Variants in CYB5R4 observed in about 807,000 individuals in gnomAD.
The protein encoded by CYB5R4 is N-terminal cytochrome b5 and cytochrome b5 oxidoreductase domain-containing protein.
CYB5R4 carries 55 observed loss-of-function variants against 70.2 expected under a neutral mutation model. That is an observed-to-expected ratio of 0.78 (90% CI 0.63 to 0.98). The LOEUF is 0.98. Among genes scored for constraint, CYB5R4 ranks in the 50% least tolerant of loss-of-function variants. The pLI is 0.00. For missense variants in CYB5R4, 562 were observed against 612.6 expected (o/e 0.92, Z 0.87); for synonymous variants, 197 against 199.5 (o/e 0.99, Z 0.11).
chr6:83,955,033 A>C (rs1050341045), intron 14 of CYB5R4, among the ~76,000 whole-genome samples: 1 of 151,888 alleles, frequency 6.6e-6, no homozygotes, highest in Admixed American at 6.6e-5. Flanking sequence ...GGTGTGAGCT[A>C]CCATGCTTGG....
At chr6:83,923,546 T>C (rs1257903414) in intron 9 of CYB5R4, among the ~76,000 whole-genome samples, 2 of 152,202 alleles carry the variant, frequency 1.3e-5, no homozygotes, top group African/African-American at 4.8e-5. Context: ...ATGCTTTAAA[T>C]CTTTAAAAGC....
At chr6:83,916,522 C>G (rs563745830) in intron 5 of CYB5R4, among the ~76,000 whole-genome samples, 1 of 152,102 alleles carries the variant, frequency 6.6e-6, no homozygotes, top group Admixed American at 6.6e-5. Context: ...TTGTAGTCCT[C>G]TCTTGTTTTA....
intron 2 of CYB5R4, among the ~76,000 whole-genome samples, chr6:83,891,035 T>A (rs557831606): frequency 1.3e-5 from 2 of 152,210 alleles, no homozygotes; most frequent in East Asian, 3.9e-4. Flanking sequence ...CTCAAACTTC[T>A]GTGTTCAAGC....
At chr6:83,944,866 CAAG>C (rs1470661934) in intron 14 of CYB5R4, among the ~76,000 whole-genome samples, 1 of 151,928 alleles carries the variant, frequency 6.6e-6, no homozygotes, top group African/African-American at 2.4e-5. Context: ...AAGGGATTAA[CAAG>C]AAGAGCTAAC....
chr6:83,955,417 T>A lies in CYB5R4; in HGVS notation c.1466T>A (p.Leu489His). The change falls in exon 15 of 16, where the codon CTC becomes CAC. Residue 489 changes from leucine (L) to histidine (H), a missense_variant. Transcript: ENST00000369681. ...LKRNLDKSKV[L>H]VCICGPVPFT... ...AGAAATTTGGACAAATCCAAAGTTC[T>A]CGTCTGCATTTGTGGACCAGTGCCA... 2 of 1,613,980 alleles carry A rather than the reference T, an allele frequency of 1.2e-6. No individual in the cohort carries two copies. Among genetic ancestry groups the A allele is most frequent in the Non-Finnish European group, 1.7e-6 (2 of 1,179,918 alleles).
At chr6:83,922,179 A>G (rs2099466489) in intron 8 of CYB5R4, among the ~76,000 whole-genome samples, 1 of 152,196 alleles carries the variant, frequency 6.6e-6, no homozygotes, top group Admixed American at 6.5e-5. Context: ...TGCTTGGACT[A>G]GCGTGGGTTA....
At chr6:83,926,822 A>G (rs1000515355) in intron 10 of CYB5R4, among the ~76,000 whole-genome samples, 1 of 152,216 alleles carries the variant, frequency 6.6e-6, no homozygotes, top group South Asian at 2.1e-4. Context: ...GGGAAGACCT[A>G]TCCAAGCTTC....
chr6:83,950,117 C>A (rs544788736), intron 14 of CYB5R4, among the ~76,000 whole-genome samples: 5 of 152,064 alleles, frequency 3.3e-5, no homozygotes, highest in Non-Finnish European at 7.4e-5. Flanking sequence ...ATAGATACTT[C>A]ATGAATAATT....
intron 14 of CYB5R4, among the ~76,000 whole-genome samples, chr6:83,945,999 G>A (rs2099470551): frequency 6.6e-6 from 1 of 152,172 alleles, no homozygotes; most frequent in Admixed American, 6.5e-5. Flanking sequence ...GAGATACAAA[G>A]AGGAGCTGGT....
At chr6:83,944,090 A>G (rs1164776418) in intron 14 of CYB5R4, among the ~76,000 whole-genome samples, 1 of 152,184 alleles carries the variant, frequency 6.6e-6, no homozygotes, top group African/African-American at 2.4e-5. Context: ...AGAGAACACC[A>G]CAAAGATACT....
At chr6:83,882,260 A>C (rs2099459569) in intron 2 of CYB5R4, among the ~76,000 whole-genome samples, 1 of 152,196 alleles carries the variant, frequency 6.6e-6, no homozygotes, top group Admixed American at 6.5e-5. Context: ...TCAAAGTCTT[A>C]CTGGCTTGAA....
At chr6:83,945,648 A>G (rs1214167106) in intron 14 of CYB5R4, among the ~76,000 whole-genome samples, 1 of 152,158 alleles carries the variant, frequency 6.6e-6, no homozygotes, top group Non-Finnish European at 1.5e-5. Context: ...TATTTTGAAA[A>G]GAATAACAGA....
rs575132689 is a variant in CYB5R4, at chr6:83,926,022, C to A, written c.814+1430C>A. 1.4e-4 allele frequency among the ~76,000 whole-genome samples: 22 copies of A among 152,306 alleles called. 2 individuals are homozygous for A. In the South Asian group the frequency reaches 4.1e-3, roughly 29 times the overall value. On this transcript the variant is annotated intron_variant, in intron 10 of 15. Transcript: ENST00000369681. ...AATGACTGGTAATGTTTTCTTCTCA[C>A]TGTATAACTTCTGTGTCCCTCAGGT...
intron 3 of CYB5R4, 69 bp downstream of exon 3, chr6:83,893,691 G>C: frequency 2.2e-6 from 2 of 915,156 alleles, no homozygotes; most frequent in Non-Finnish European, 3.4e-6. Flanking sequence ...TGTGACATTT[G>C]TAGAAAGAAA....
rs1443704503 is a variant in CYB5R4 at position 83,961,113 on chromosome 6, TC to T, written c.*1239del. On this transcript the variant is annotated 3_prime_UTR_variant, in exon 16 of 16. Transcript: ENST00000369681. Reference sequence around the variant, plus strand: ...CTCAAGAGGAACACAATATTAATATTCCCCAAATTACAGACGCCCAGCTTGT... The same window carrying T: ...CTCAAGAGGAACACAATATTAATATTCCCAAATTACAGACGCCCAGCTTGT... 1.3e-5 allele frequency: 2 copies of T among 152,154 alleles called. No individual in the cohort carries two copies. The highest frequency in any genetic ancestry group is 2.9e-5 in the Non-Finnish European group (2 of 68,038). 9.4% of individuals were successfully genotyped at this position (152,154 alleles called of 1,614,324 possible).
intron 2 of CYB5R4, among the ~76,000 whole-genome samples, chr6:83,892,063 C>T (rs1316332994): frequency 6.6e-6 from 1 of 152,172 alleles, no homozygotes; most frequent in East Asian, 1.9e-4. Flanking sequence ...TTTTTGGTCT[C>T]TGGATTTTGG....
At chr6:83,885,071 T>G (rs1003854391) in intron 2 of CYB5R4, among the ~76,000 whole-genome samples, 9 of 152,280 alleles carry the variant, frequency 5.9e-5, no homozygotes, top group African/African-American at 1.9e-4. Context: ...AATTAAGAAA[T>G]GTAAAGAATA....
intron 3 of CYB5R4, among the ~76,000 whole-genome samples, chr6:83,894,036 A>G (rs768852585): frequency 3.9e-5 from 6 of 152,302 alleles, no homozygotes; most frequent in East Asian, 1.9e-4. Context: ...AGGGATTGCT[A>G]TATATTCAGC....
intron 2 of CYB5R4, among the ~76,000 whole-genome samples, chr6:83,883,502 C>T (rs973812297): frequency 9.9e-5 from 15 of 152,224 alleles, no homozygotes; most frequent in Admixed American, 4.6e-4. Flanking sequence ...ATAATAAAAA[C>T]GACTGCTGAA....
Sources: gnomAD v4.1 joint callset for allele counts (sites outside exome capture counted in the v4.1 genomes callset) on GRCh38, gnomAD v4.1.1 for gene constraint, MANE v1.5 for transcripts, NCBI Gene and HGNC (gene_info 2026-07-23, HGNC 2026-07-21) for gene names.